The following CT47C1 variants were observed in gnomAD, a reference collection of about 807,000 sequenced individuals.
CT47C1 encodes the protein cancer/testis antigen family 47 member A11 pseudogene.
At chrX:119,074,104 C>T in the CT47C1 span, 4 of 486,346 alleles carry the variant, frequency 8.2e-6, no homozygotes, top group South Asian at 3.2e-5. Context: ...TCTGCAGTGG[C>T]GGGGAGACAG....
At chrX:119,075,146 A>C in the CT47C1 span, 30 of 1,055,782 alleles carry the variant, frequency 2.8e-5, no homozygotes, top group Admixed American at 6.8e-4. Context: ...TCACTCAACT[A>C]TTCCTGGCAT....
chrX:119,073,924 A>AG, the CT47C1 span: 57 of 808,779 alleles, frequency 7.0e-5, no homozygotes, highest in African/African-American at 1.1e-3. Context: ...AGGCCGCAGA[A>AG]GAGCCCGCAG....
chrX:119,075,112 G>C, the CT47C1 span: 1 of 1,081,013 alleles, frequency 9.3e-7, no homozygotes, highest in Non-Finnish European at 1.3e-6. Context: ...AGAAAATCCA[G>C]GTATCGGTGT....
At chrX:119,073,792 C>T in the CT47C1 span, 2 of 858,681 alleles carry the variant, frequency 2.3e-6, no homozygotes. Context: ...AGGGCGAGGG[C>T]CTGGGCCTGC....
chrX:119,073,290 G>A, the CT47C1 span: 1 of 505,714 alleles, frequency 2.0e-6, no homozygotes, highest in Non-Finnish European at 3.5e-6. Context: ...AACCAGGAGG[G>A]AGCGCAGGCC....
chrX:119,073,882 C>G, the CT47C1 span: 1 of 850,808 alleles, frequency 1.2e-6, no homozygotes, highest in East Asian at 3.2e-5. Context: ...CAGAAGAGCC[C>G]GCAGAGGAGG....
chrX:119,075,169 G>A, the CT47C1 span: 2 of 1,023,644 alleles, frequency 2.0e-6, no homozygotes, highest in Non-Finnish European at 2.6e-6. Flanking sequence ...ACCTGTTGCT[G>A]ACAGTTTTAT....
the CT47C1 span, chrX:119,073,388 G>C: frequency 1.9e-6 from 1 of 534,611 alleles, no homozygotes; most frequent in South Asian, 2.4e-5. Flanking sequence ...GAGAGGCCTC[G>C]GGGAGGAGGA....
At chrX:119,073,322 G>A in the CT47C1 span, 1 of 516,619 alleles carries the variant, frequency 1.9e-6, no homozygotes, top group South Asian at 2.7e-5. Context: ...TGACCGGGAG[G>A]GCGGTGACTC....
At chrX:119,076,167 G>A in the CT47C1 span, 7 of 112,640 alleles carry the variant, frequency 6.2e-5, no homozygotes, top group African/African-American at 1.6e-4. Flanking sequence ...CTGTAGTTGG[G>A]AAGAATAGAA....
the CT47C1 span, chrX:119,073,955 ACAGAGGAGGCCGCAGAGGAGGAGCTCG>A: frequency 2.1e-5 from 16 of 771,301 alleles, no homozygotes; most frequent in African/African-American, 1.3e-4. Context: ...AGAGAAGCCC[ACAGAGGAGGCCGCAGAGGAGGAGCTCG>A]CAGAGGAGGC....
At chrX:119,074,188 G>C in the CT47C1 span, 1 of 402,449 alleles carries the variant, frequency 2.5e-6, no homozygotes, top group Non-Finnish European at 4.3e-6. Flanking sequence ...GTGAAGTGGG[G>C]GTCGGGCCTC....
the CT47C1 span, chrX:119,074,196 C>T: frequency 5.1e-6 from 2 of 393,474 alleles, no homozygotes; most frequent in Non-Finnish European, 4.4e-6. Flanking sequence ...GGGGTCGGGC[C>T]TCGGGTGGTG....
At chrX:119,075,915 C>T in the CT47C1 span, among the ~76,000 whole-genome samples, 1 of 111,684 alleles carries the variant, frequency 9.0e-6, no homozygotes, top group Non-Finnish European at 1.9e-5. Flanking sequence ...AAAACAACAA[C>T]AAGAAGCTTT....
chrX:119,075,701 T>G, the CT47C1 span, among the ~76,000 whole-genome samples: 1 of 111,210 alleles, frequency 9.0e-6, no homozygotes, highest in Non-Finnish European at 1.9e-5. Flanking sequence ...TCTTTGAGTA[T>G]ATTTAAATGG....
the CT47C1 span, among the ~76,000 whole-genome samples, chrX:119,075,929 G>T: frequency 8.9e-6 from 1 of 111,780 alleles, no homozygotes; most frequent in Non-Finnish European, 1.9e-5. Context: ...AAGCTTTTCT[G>T]GTGCTAGGGA....
chrX:119,073,679 G>T, the CT47C1 span: 1 of 612,710 alleles, frequency 1.6e-6, no homozygotes, highest in South Asian at 2.8e-5. Context: ...GATGCGTGGC[G>T]GCCGCCTGAT....
the CT47C1 span, among the ~76,000 whole-genome samples, chrX:119,074,597 T>A: frequency 1.3e-4 from 15 of 111,540 alleles, no homozygotes; most frequent in South Asian, 5.7e-3. Flanking sequence ...ACCATAGAAT[T>A]TGTCTTTTGA....
the CT47C1 span, among the ~76,000 whole-genome samples, chrX:119,074,563 G>A: frequency 9.0e-6 from 1 of 111,433 alleles, no homozygotes; most frequent in Non-Finnish European, 1.9e-5. Context: ...AAACATTCAG[G>A]GGGGTGAGGA....
Sources: allele counts gnomAD v4.1 joint callset (sites outside exome capture counted in the v4.1 genomes callset), GRCh38; gene constraint gnomAD v4.1.1; transcripts MANE v1.5; gene names NCBI Gene and HGNC (gene_info 2026-07-23, HGNC 2026-07-21).